MIPOL1: variants seen among roughly 807,000 people sequenced by gnomAD.
MIPOL1 encodes mirror-image polydactyly gene 1 protein.
In MIPOL1, 57 loss-of-function variants were observed where a neutral mutation model predicts 60.9. The observed-to-expected ratio is 0.94, with a 90% CI of 0.76 to 1.17. The LOEUF is 1.17. Among genes scored for constraint, MIPOL1 ranks in the 50% most tolerant of loss-of-function variants. MIPOL1 has a pLI of 0.00. For synonymous variants in MIPOL1, 179 were observed against 168.8 expected, an observed-to-expected ratio of 1.06 and a Z score of -0.47; for missense variants, 551 against 511.6, an observed-to-expected ratio of 1.08 and a Z score of -0.74.
At chr14:37,501,160 T>C (rs1484018949) in intron 12 of MIPOL1, among the ~76,000 whole-genome samples, 1 of 152,212 alleles carries the variant, frequency 6.6e-6, no homozygotes, top group Non-Finnish European at 1.5e-5. Context: ...TTACTAGCCA[T>C]GTACCTTGAA....
chr14:37,349,146 A>G (rs564084412), intron 9 of MIPOL1, among the ~76,000 whole-genome samples: 25 of 151,494 alleles, frequency 1.7e-4, no homozygotes, highest in African/African-American at 5.6e-4. Flanking sequence ...CTACCACTAC[A>G]CCTGGCTAAT....
At chr14:37,397,935 A>G (rs1021859660) in intron 10 of MIPOL1, among the ~76,000 whole-genome samples, 3 of 152,160 alleles carry the variant, frequency 2.0e-5, no homozygotes, top group Admixed American at 2.0e-4. Context: ...GTTCTTCCCC[A>G]ACCTGTGGAG....
At chr14:37,544,206 A>C (rs2095539478) in intron 12 of MIPOL1, among the ~76,000 whole-genome samples, 1 of 152,226 alleles carries the variant, frequency 6.6e-6, no homozygotes, top group Admixed American at 6.5e-5. Context: ...AACATTAAAA[A>C]TACCAACAAA....
intron 11 of MIPOL1, among the ~76,000 whole-genome samples, chr14:37,436,454 C>T (rs777144442): frequency 6.6e-6 from 1 of 152,072 alleles, no homozygotes; most frequent in African/African-American, 2.4e-5. Flanking sequence ...TTTATTGAAT[C>T]TAAACTAGTT....
intron 11 of MIPOL1, among the ~76,000 whole-genome samples, chr14:37,427,963 G>C (rs1317859084): frequency 6.6e-6 from 1 of 152,152 alleles, no homozygotes; most frequent in Admixed American, 6.5e-5. Context: ...AGAACTCATA[G>C]ATAATGGATT....
chr14:37,494,844 C>G lies in MIPOL1; in HGVS notation c.1032-5064C>G, dbSNP rs183723270. On this transcript the variant is annotated intron_variant, in intron 11 of 12. Transcript: ENST00000684589. ...TCTACTTCCATCTTTTTAAAAAGAT[C>G]ATGTCCATTGCTTGGGAAAGCCTTG... Among the ~76,000 whole-genome samples, 1,483 of 152,208 alleles carry G rather than the reference C, an allele frequency of 9.7e-3. 10 individuals carry two copies. The highest frequency in any genetic ancestry group is 0.015 in the Non-Finnish European group (1,009 of 68,012).
At chr14:37,545,567 AT>A in intron 12 of MIPOL1, 1 of 511,426 alleles carries the variant, frequency 2.0e-6, no homozygotes, top group Admixed American at 3.9e-5. Context: ...CTTAGACAAG[AT>A]TTGCCTTTTT....
In MIPOL1 at chr14:37,447,099, A is replaced by T. The variant is rs971987508; in HGVS notation, c.1031+24150A>T. On this transcript the variant is annotated intron_variant, in intron 11 of 12. Coordinates refer to ENST00000684589, the MANE Select transcript of MIPOL1 (RefSeq NM_001388067.1). The stretch of plus-strand genomic sequence containing the variant: ...TAATAATAAAATAAAATAAAATAAT[A>T]AAAAAAGAGAATCCTGCACATATAT... Among the ~76,000 whole-genome samples the T allele has an allele frequency of 4.0e-5, 6 of 151,846 alleles. No individual in the cohort carries two copies. In the South Asian group the frequency reaches 6.2e-4, roughly 16 times the overall value.
intron 11 of MIPOL1, among the ~76,000 whole-genome samples, chr14:37,477,028 G>A (rs1380815944): frequency 6.6e-6 from 1 of 151,528 alleles, no homozygotes; most frequent in African/African-American, 2.4e-5. Context: ...AGCCTCCTGG[G>A]TAGCCGAGAT....
intron 7 of MIPOL1, among the ~76,000 whole-genome samples, chr14:37,303,549 A>G (rs886918689): frequency 2.0e-5 from 3 of 151,604 alleles, no homozygotes; most frequent in Non-Finnish European, 4.4e-5. Flanking sequence ...TAATTTATAC[A>G]TTTATTTGTT....
chr14:37,256,868 A>C (rs1286427375), intron 3 of MIPOL1, among the ~76,000 whole-genome samples: 6 of 151,936 alleles, frequency 3.9e-5, no homozygotes, highest in Non-Finnish European at 8.8e-5. Flanking sequence ...TTTGAAATGA[A>C]CACATTACCA....
intron 4 of MIPOL1, among the ~76,000 whole-genome samples, chr14:37,268,157 A>C (rs1179615490): frequency 6.6e-6 from 1 of 152,186 alleles, no homozygotes; most frequent in Non-Finnish European, 1.5e-5. Context: ...AGATTTTTGC[A>C]TAGGAACTTT....
intron 10 of MIPOL1, among the ~76,000 whole-genome samples, chr14:37,405,686 A>T (rs1482912300): frequency 1.3e-5 from 2 of 151,988 alleles, no homozygotes; most frequent in Admixed American, 1.3e-4. Context: ...TTTTATTTGA[A>T]TACTTTTAGT....
intron 9 of MIPOL1, among the ~76,000 whole-genome samples, chr14:37,343,859 G>C (rs1214765086): frequency 1.3e-5 from 2 of 152,064 alleles, no homozygotes; most frequent in African/African-American, 4.8e-5. Context: ...TGTAGAATTA[G>C]TTTCTGTTTG....
intron 1 of MIPOL1, among the ~76,000 whole-genome samples, chr14:37,218,266 C>T (rs1968098892): frequency 6.6e-6 from 1 of 152,050 alleles, no homozygotes; most frequent in Non-Finnish European, 1.5e-5. Flanking sequence ...CTTCAGCCTC[C>T]ACCTCCCAGA....
intron 3 of MIPOL1, among the ~76,000 whole-genome samples, chr14:37,252,508 CA>C (rs1974277817): frequency 6.6e-6 from 1 of 151,812 alleles, no homozygotes; most frequent in South Asian, 2.1e-4. Context: ...TTCTATAAAA[CA>C]CAGTAACACA....
At chr14:37,541,140 G>T (rs1450547099) in intron 12 of MIPOL1, among the ~76,000 whole-genome samples, 1 of 152,116 alleles carries the variant, frequency 6.6e-6, no homozygotes, top group African/African-American at 2.4e-5. Context: ...GGATCTTCTT[G>T]TCACTCAGAA....
At chr14:37,299,645 A>T (rs2086189325) in intron 7 of MIPOL1, among the ~76,000 whole-genome samples, 1 of 152,072 alleles carries the variant, frequency 6.6e-6, no homozygotes, top group Non-Finnish European at 1.5e-5. Context: ...TTTCTAGAAC[A>T]GTTGTGAAGA....
intron 6 of MIPOL1, among the ~76,000 whole-genome samples, chr14:37,281,835 T>G (rs1177923147): frequency 6.6e-6 from 1 of 152,220 alleles, no homozygotes; most frequent in African/African-American, 2.4e-5. Flanking sequence ...TCTATTTCTG[T>G]TCCTATTTCT....
Sources: gnomAD v4.1 joint callset for allele counts (sites outside exome capture counted in the v4.1 genomes callset) on GRCh38, gnomAD v4.1.1 for gene constraint, MANE v1.5 for transcripts, NCBI Gene and HGNC (gene_info 2026-07-23, HGNC 2026-07-21) for gene names.